B4GALT5: variants seen among roughly 807,000 people sequenced by gnomAD.
B4GALT5 encodes the protein beta-1,4-galactosyltransferase 5.
In B4GALT5, 11 loss-of-function variants were observed where a neutral mutation model predicts 45.0. That is an observed-to-expected ratio of 0.24 (90% CI 0.15 to 0.40). B4GALT5 has a LOEUF of 0.40. Among genes scored for constraint, B4GALT5 ranks in the 10% least tolerant of loss-of-function variants. The pLI is 1.00. For missense variants in B4GALT5, 337 were observed against 500.2 expected (o/e 0.67, Z 3.11); for synonymous variants, 185 against 182.9 (o/e 1.01, Z -0.09).
At chr20:49,640,448 CCT>C in intron 6 of B4GALT5, 28 bp downstream of exon 6, 1 of 1,529,824 alleles carries the variant, frequency 6.5e-7, no homozygotes, top group Non-Finnish European at 8.8e-7. Context: ...TCAGATTTAA[CCT>C]CTTTAATTAA....
In B4GALT5 at chr20:49,698,296, C is replaced by A. The variant is rs112244311; in HGVS notation, c.115+15280G>T. Among the ~76,000 whole-genome samples the A allele has an allele frequency of 1.8e-3, 267 of 151,850 alleles. 1 individual carries two copies. Among genetic ancestry groups the A allele is most frequent in the African/African-American group, 6.2e-3 (255 of 41,410 alleles). On this transcript the variant is annotated intron_variant, in intron 1 of 8. Coordinates refer to ENST00000371711, the MANE Select transcript of B4GALT5 (RefSeq NM_004776.4). ...CGAGACGGTGGCACCACACTCCGGCCTGGGGGACAGAGCAAAACTCCATCT... is the reference window on the plus strand; with the variant it reads ...CGAGACGGTGGCACCACACTCCGGCATGGGGGACAGAGCAAAACTCCATCT...
intron 1 of B4GALT5, among the ~76,000 whole-genome samples, chr20:49,694,052 G>C (rs71351982): frequency 0.027 from 4,144 of 152,268 alleles, 79 homozygotes; most frequent in Non-Finnish European, 0.04. Context: ...GAGATGACCT[G>C]ATCAACTAAG....
At chr20:49,666,370 C>T (rs549033007) in intron 1 of B4GALT5, among the ~76,000 whole-genome samples, 1 of 152,286 alleles carries the variant, frequency 6.6e-6, no homozygotes, top group Admixed American at 6.5e-5. Context: ...AGCAAAGGTG[C>T]TGCTTGGTGC....
chr20:49,704,634 G>A (rs1600558662), intron 1 of B4GALT5, among the ~76,000 whole-genome samples: 1 of 150,874 alleles, frequency 6.6e-6, no homozygotes, highest in Non-Finnish European at 1.5e-5. Context: ...CAGGAGAATG[G>A]CGTGAACCCG....
At chr20:49,683,262 G>A (rs1407977919) in intron 1 of B4GALT5, among the ~76,000 whole-genome samples, 1 of 152,028 alleles carries the variant, frequency 6.6e-6, no homozygotes, top group Non-Finnish European at 1.5e-5. Context: ...GCACATAAAT[G>A]TGCTCTGTTT....
Position 49,669,955 on chromosome 20 carries a change from A to G in B4GALT5, c.116-13253T>C, listed in dbSNP as rs574632811. Among the ~76,000 whole-genome samples, 4 of 152,350 alleles carry G rather than the reference A, an allele frequency of 2.6e-5. No homozygotes were observed. In the East Asian group the frequency reaches 7.7e-4, roughly 29 times the overall value. On this transcript the variant is annotated intron_variant, in intron 1 of 8. Transcript: ENST00000371711. Reference sequence around the variant, plus strand: ...AAATGCTCATACCTTCTGAGCTAGCAAAGTATCCTAAATATGAGGCTATTC... The same window carrying G: ...AAATGCTCATACCTTCTGAGCTAGCGAAGTATCCTAAATATGAGGCTATTC...
At chr20:49,705,488 C>T (rs1025621331) in intron 1 of B4GALT5, among the ~76,000 whole-genome samples, 5 of 152,078 alleles carry the variant, frequency 3.3e-5, no homozygotes, top group South Asian at 4.1e-4. Flanking sequence ...GGCTAATGTC[C>T]GAAAGCAATG....
rs2085676216 is a variant in B4GALT5, at chr20:49,663,693, AT to A, written c.116-6992del. Reference sequence around the variant, plus strand: ...ATCTCAAGAAAAAAAAAAAAAAAATATATACATATATATATATATATATATA... The same window carrying A: ...ATCTCAAGAAAAAAAAAAAAAAAATAATACATATATATATATATATATATA... On this transcript the variant is annotated intron_variant, in intron 1 of 8. Coordinates refer to ENST00000371711, the MANE Select transcript of B4GALT5 (RefSeq NM_004776.4). Among the ~76,000 whole-genome samples, 79 of 52,292 alleles carry A rather than the reference AT, an allele frequency of 1.5e-3. 4 individuals are homozygous for A. Among genetic ancestry groups the A allele is most frequent in the Non-Finnish European group, 2.2e-3 (61 of 27,948 alleles). The allele number at this position is 52,292 out of a possible 152,430, so 34.3% of individuals were successfully genotyped here. A position where few individuals can be genotyped will look rare whatever the true frequency, so the allele number is the denominator to read the frequency against.
At chr20:49,692,886 C>G (rs767453028) in intron 1 of B4GALT5, among the ~76,000 whole-genome samples, 20 of 152,248 alleles carry the variant, frequency 1.3e-4, no homozygotes, top group African/African-American at 4.6e-4. Flanking sequence ...AGTCATGTGC[C>G]GCATAATGAC....
chr20:49,711,274 T>C (rs1029427762), intron 1 of B4GALT5, among the ~76,000 whole-genome samples: 4 of 152,186 alleles, frequency 2.6e-5, no homozygotes, highest in South Asian at 2.1e-4. Flanking sequence ...ATCAGTGATA[T>C]AGGATTCTAG....
chr20:49,695,705 T>G (rs911904152), intron 1 of B4GALT5, among the ~76,000 whole-genome samples: 1 of 152,144 alleles, frequency 6.6e-6, no homozygotes, highest in African/African-American at 2.4e-5. Context: ...CCGGCCAGTG[T>G]GGTCACTGTT....
intron 1 of B4GALT5, among the ~76,000 whole-genome samples, chr20:49,674,968 C>T (rs1294014143): frequency 6.6e-6 from 1 of 152,176 alleles, no homozygotes; most frequent in Non-Finnish European, 1.5e-5. Flanking sequence ...TCAGACAATG[C>T]TGCTCCTACT....
intron 1 of B4GALT5, among the ~76,000 whole-genome samples, chr20:49,661,264 C>G (rs1216167736): frequency 2.0e-5 from 3 of 152,094 alleles, no homozygotes; most frequent in Non-Finnish European, 2.9e-5. Flanking sequence ...GAGATAGAGT[C>G]TCCCTCTGTC....
chr20:49,689,368 G>A (rs1403404811), intron 1 of B4GALT5, among the ~76,000 whole-genome samples: 4 of 152,200 alleles, frequency 2.6e-5, no homozygotes, highest in Admixed American at 1.3e-4. Flanking sequence ...CACGGGAGTG[G>A]TGTGATTCAA....
intron 1 of B4GALT5, chr20:49,684,508 A>G: frequency 2.0e-6 from 1 of 503,768 alleles, no homozygotes; most frequent in East Asian, 5.9e-5. Context: ...GCTTGCAGTG[A>G]GCCAAGGTTG....
chr20:49,667,730 C>T (rs6091024), intron 1 of B4GALT5, among the ~76,000 whole-genome samples: 71,034 of 151,950 alleles, frequency 0.47, 17,577 homozygotes, highest in South Asian at 0.65. Flanking sequence ...TGGATCTTTA[C>T]TGTCAACATG....
chr20:49,648,697 C>G (rs1028490734), intron 2 of B4GALT5, among the ~76,000 whole-genome samples: 1 of 152,106 alleles, frequency 6.6e-6, no homozygotes, highest in African/African-American at 2.4e-5. Context: ...TTTAGAGTCA[C>G]GTTAGTGGAT....
rs151170425 is a variant in B4GALT5 at position 49,640,725 on chromosome 20, C to G, written c.607-60G>C. The G allele has an allele frequency of 9.9e-4, 1,482 of 1,491,130 alleles. 9 individuals carry two copies. In the African/African-American group the frequency reaches 0.013, roughly 13 times the overall value. The allele number at this position is 1,491,130 out of a possible 1,614,324, so 92.4% of individuals were successfully genotyped here. On this transcript the variant is annotated intron_variant, in intron 5 of 8. Coordinates refer to ENST00000371711, the MANE Select transcript of B4GALT5 (RefSeq NM_004776.4). ...TTGAAGGAAAATCTTTGCTGTCTTTCCTGTGCCTAAAGACGAGTTTATTAG... is the reference window on the plus strand; with the variant it reads ...TTGAAGGAAAATCTTTGCTGTCTTTGCTGTGCCTAAAGACGAGTTTATTAG...
At chr20:49,657,642 C>T (rs1017607419) in intron 1 of B4GALT5, among the ~76,000 whole-genome samples, 39 of 152,138 alleles carry the variant, frequency 2.6e-4, no homozygotes, top group Admixed American at 2.1e-3. Flanking sequence ...CAAATCTAAA[C>T]TTTGTGGGTG....
Sources: gnomAD v4.1 joint callset for allele counts (sites outside exome capture counted in the v4.1 genomes callset) on GRCh38, gnomAD v4.1.1 for gene constraint, MANE v1.5 for transcripts, NCBI Gene and HGNC (gene_info 2026-07-23, HGNC 2026-07-21) for gene names.